Variants in DNAH8 observed in about 807,000 individuals in gnomAD.
DNAH8 encodes dynein axonemal heavy chain 8, also known as axonemal beta dynein heavy chain 8.
In DNAH8, 382 loss-of-function variants were observed where a neutral mutation model predicts 562.1. The observed-to-expected ratio is 0.68, with a 90% CI of 0.63 to 0.74. The LOEUF (loss-of-function observed/expected upper bound fraction) is 0.74. DNAH8 is among the 30% of genes least tolerant of loss of function. DNAH8 has a pLI of 0.00. For missense variants in DNAH8, 5,203 were observed against 5,620.4 expected (o/e 0.93, Z 2.37); for synonymous variants, 1,881 against 1,919.4 (o/e 0.98, Z 0.52).
At chr6:38,939,094 C>A in intron 79 of DNAH8, 106 bp downstream of exon 79, 1 of 864,400 alleles carries the variant, frequency 1.2e-6, no homozygotes, top group Non-Finnish European at 1.7e-6. Flanking sequence ...AAATGATGTT[C>A]TAACGAAAGT....
At chr6:38,902,826 G>C (rs1004623190) in intron 62 of DNAH8, among the ~76,000 whole-genome samples, 1 of 152,212 alleles carries the variant, frequency 6.6e-6, no homozygotes, top group Non-Finnish European at 1.5e-5. Context: ...GGAAAGAACA[G>C]GAAGGCTAGG....
At position 39,030,468 on chromosome 6, in the gene DNAH8, G is replaced by A; in HGVS notation, c.*76G>A. On this transcript the variant is annotated 3_prime_UTR_variant, in exon 93 of 93. Coordinates refer to ENST00000327475, the MANE Select transcript of DNAH8 (RefSeq NM_001206927.2). ...TATTGAGGGACTCAGTGATGTGTGT[G>A]TCTTTTCTCCCCAGTAATTCCTTAA... 3 of 1,299,846 alleles carry A rather than the reference G, an allele frequency of 2.3e-6. No homozygotes were observed. The highest frequency in any genetic ancestry group is 3.2e-6 in the Non-Finnish European group (3 of 934,596). The allele number at this position is 1,299,846 out of a possible 1,614,324, so 80.5% of individuals were successfully genotyped here.
At chr6:38,891,856 A>T (rs1779361167) in intron 58 of DNAH8, among the ~76,000 whole-genome samples, 1 of 152,086 alleles carries the variant, frequency 6.6e-6, no homozygotes, top group Non-Finnish European at 1.5e-5. Flanking sequence ...CCATTTCCTC[A>T]GTGTCTTTTC....
At chr6:38,941,956 A>G (rs1265034362) in intron 79 of DNAH8, among the ~76,000 whole-genome samples, 1 of 152,172 alleles carries the variant, frequency 6.6e-6, no homozygotes. Context: ...TGATTAGGTC[A>G]TGAGGGTAGA....
chr6:38,754,422 A>T (rs905413386), intron 9 of DNAH8, among the ~76,000 whole-genome samples: 7 of 152,146 alleles, frequency 4.6e-5, no homozygotes, highest in African/African-American at 1.2e-4. Flanking sequence ...CTAGAAGGTT[A>T]ACTATAAAGT....
At chr6:38,800,142 A>G (rs1015264943) in intron 21 of DNAH8, among the ~76,000 whole-genome samples, 1 of 151,832 alleles carries the variant, frequency 6.6e-6, no homozygotes. Context: ...TCCATTCACC[A>G]GTTGATGGAC....
intron 87 of DNAH8, 95 bp from the exon 88 acceptor site, chr6:38,989,917 T>C: frequency 1.5e-6 from 1 of 675,924 alleles, no homozygotes. Flanking sequence ...AAAAACTCTG[T>C]TAAAATGGAA....
chr6:38,966,604 G>A (rs541414443), intron 82 of DNAH8, among the ~76,000 whole-genome samples: 1 of 152,188 alleles, frequency 6.6e-6, no homozygotes, highest in South Asian at 2.1e-4. Context: ...CAAACCAAAT[G>A]CAGCACCATA....
At chr6:38,996,409 C>T (rs1360979037) in intron 88 of DNAH8, among the ~76,000 whole-genome samples, 1 of 152,138 alleles carries the variant, frequency 6.6e-6, no homozygotes, top group East Asian at 1.9e-4. Flanking sequence ...GTCATTTATA[C>T]AATTTCTATG....
intron 67 of DNAH8, among the ~76,000 whole-genome samples, chr6:38,914,368 GTA>G (rs1781131021): frequency 6.8e-6 from 1 of 146,828 alleles, no homozygotes; most frequent in Non-Finnish European, 1.5e-5. Flanking sequence ...AAGGAGATAG[GTA>G]TATATGTGTG....
intron 26 of DNAH8, among the ~76,000 whole-genome samples, 196 bp from the exon 27 acceptor site, chr6:38,822,642 A>ATC (rs1168552977): frequency 1.3e-5 from 2 of 152,200 alleles, no homozygotes; most frequent in Non-Finnish European, 2.9e-5. Flanking sequence ...AGAGCTCAAA[A>ATC]TCTGACACCA....
intron 82 of DNAH8, among the ~76,000 whole-genome samples, chr6:38,969,209 C>T (rs1293601559): frequency 6.6e-6 from 1 of 152,014 alleles, no homozygotes; most frequent in Non-Finnish European, 1.5e-5. Flanking sequence ...AGTTATGCAA[C>T]TCTAAAAACA....
chr6:38,766,244 TTA>T (rs1261261905), intron 11 of DNAH8, among the ~76,000 whole-genome samples: 2 of 152,164 alleles, frequency 1.3e-5, no homozygotes, highest in African/African-American at 4.8e-5. Context: ...TGGCTGAACT[TTA>T]TTTCATTATG....
intron 9 of DNAH8, among the ~76,000 whole-genome samples, chr6:38,752,410 C>A (rs1000652288): frequency 6.6e-6 from 1 of 152,232 alleles, no homozygotes; most frequent in Non-Finnish European, 1.5e-5. Context: ...GTGATCTGCC[C>A]GCCTCCACCT....
intron 35 of DNAH8, among the ~76,000 whole-genome samples, chr6:38,845,373 C>T (rs1011157624): frequency 1.3e-5 from 2 of 152,008 alleles, no homozygotes; most frequent in Non-Finnish European, 2.9e-5. Context: ...AATTAGTAGT[C>T]GGCGATTAGT....
chr6:38,948,618 G>A (rs941394851), intron 80 of DNAH8, among the ~76,000 whole-genome samples: 2 of 152,200 alleles, frequency 1.3e-5, no homozygotes, highest in Non-Finnish European at 2.9e-5. Flanking sequence ...ACAGGCATGA[G>A]CCACTGTGTA....
At chr6:38,735,801 A>G (rs1404086933) in intron 5 of DNAH8, among the ~76,000 whole-genome samples, 2 of 152,156 alleles carry the variant, frequency 1.3e-5, no homozygotes, top group African/African-American at 2.4e-5. Context: ...ATTTACCTGT[A>G]TATCTCTAAA....
intron 69 of DNAH8, 41 bp downstream of exon 69, chr6:38,917,447 A>G: frequency 6.5e-7 from 1 of 1,550,162 alleles, no homozygotes; most frequent in Non-Finnish European, 8.9e-7. Context: ...GAGCTGCATC[A>G]GGCGTCCTCA....
At chr6:38,919,680 T>C (rs1781555193) in intron 70 of DNAH8, among the ~76,000 whole-genome samples, 2 of 152,084 alleles carry the variant, frequency 1.3e-5, no homozygotes, top group Admixed American at 6.5e-5. Flanking sequence ...AAGCAAAAAA[T>C]CCTGGGGTCT....
Sources: allele counts gnomAD v4.1 joint callset (sites outside exome capture counted in the v4.1 genomes callset), GRCh38; gene constraint gnomAD v4.1.1; transcripts MANE v1.5; gene names NCBI Gene and HGNC (gene_info 2026-07-23, HGNC 2026-07-21).